MCF2L: variants seen among roughly 807,000 people sequenced by gnomAD.
MCF2L encodes MCF.2 cell line derived transforming sequence like.
In MCF2L, 97 loss-of-function variants were observed where a neutral mutation model predicts 153.4. That is an observed-to-expected ratio of 0.63 (90% CI 0.54 to 0.75). The LOEUF is 0.75. Among genes scored for constraint, MCF2L ranks in the 30% least tolerant of loss-of-function variants. MCF2L has a pLI of 0.00. For synonymous variants in MCF2L, 659 were observed against 632.2 expected (o/e 1.04, Z -0.64); for missense variants, 1,347 against 1,495.2 (o/e 0.90, Z 1.64).
exon 2 of MCF2L, chr13:112,902,348 C>G: frequency 6.2e-7 from 1 of 1,612,594 alleles, no homozygotes; most frequent in South Asian, 1.1e-5. Flanking sequence ...CAAGACACAC[C>G]GGAGGCGACG....
At chr13:113,055,322 C>T (rs1442336792) in intron 4 of MCF2L, among the ~76,000 whole-genome samples, 2 of 150,488 alleles carry the variant, frequency 1.3e-5, no homozygotes, top group Non-Finnish European at 2.9e-5. Flanking sequence ...GTATGCTTCA[C>T]TCCCAGAGGC....
intron 2 of MCF2L, among the ~76,000 whole-genome samples, chr13:112,918,489 A>G (rs2081319131): frequency 6.6e-6 from 1 of 151,994 alleles, no homozygotes; most frequent in Non-Finnish European, 1.5e-5. Flanking sequence ...GCATATGGAG[A>G]GAATGTCCAT....
rs2087624928 is a variant in MCF2L at position 113,054,879 on chromosome 13, G to A, written c.370-5714G>A. 1 of 152,138 alleles carries A rather than the reference G, an allele frequency of 6.6e-6. No individual in the cohort carries two copies. The highest frequency in any genetic ancestry group is 6.5e-5 in the Admixed American group (1 of 15,276). 9.4% of individuals were successfully genotyped at this position (152,138 alleles called of 1,614,324 possible). A position where few individuals can be genotyped will look rare whatever the true frequency, so the allele number is the denominator to read the frequency against. On this transcript the variant is annotated intron_variant, in intron 4 of 29. Transcript: ENST00000535094. This position sits in a 1 kb window ranked among gnomAD's most constrained non-coding sequence, Gnocchi z 5.2. Reference sequence around the variant, plus strand: ...AGTGCTGTGGTCATCACACATATCTGTTCCTAAGTTCATCCAGGTCAGCCC... The same window carrying A: ...AGTGCTGTGGTCATCACACATATCTATTCCTAAGTTCATCCAGGTCAGCCC...
intron 3 of MCF2L, among the ~76,000 whole-genome samples, chr13:113,030,744 C>T (rs1170867490): frequency 6.6e-6 from 1 of 152,210 alleles, no homozygotes; most frequent in Non-Finnish European, 1.5e-5. Context: ...ATCGGCCAGG[C>T]CTTGATAGGA....
At chr13:112,973,254 C>T (rs180746971) in intron 1 of MCF2L, among the ~76,000 whole-genome samples, 5 of 152,304 alleles carry the variant, frequency 3.3e-5, no homozygotes, top group Admixed American at 3.3e-4. Context: ...TTTCTTTGTC[C>T]ATTTTTTAAA....
rs184425443 is a variant in MCF2L at position 113,014,441 on chromosome 13, A to G, written c.80-322A>G. Among the ~76,000 whole-genome samples the G allele has an allele frequency of 2.6e-3, 395 of 152,250 alleles. 3 individuals are homozygous for G. The highest frequency in any genetic ancestry group is 9.1e-3 in the African/African-American group (380 of 41,542). ...TGTATTTATCCGAGGAGCCAGGACC[A>G]AGCCCTTTCCCACTGCTCCCCTGCC... is the stretch of plus-strand genomic sequence containing the variant. On this transcript the variant is annotated intron_variant, in intron 1 of 29. Coordinates refer to ENST00000535094, the MANE Select transcript of MCF2L (RefSeq NM_001112732.3).
rs924334743 is a variant in MCF2L at position 113,098,059 on chromosome 13, T to A, written c.*1200T>A. ...CTTTCGGTGTCTAGTCTGCAGATGT[T>A]TTTGTATGTGTGCACCTCTGACCAT... On this transcript the variant is annotated 3_prime_UTR_variant, in exon 30 of 30. Coordinates refer to ENST00000535094, the MANE Select transcript of MCF2L (RefSeq NM_001112732.3). 3 of 152,394 alleles carry A rather than the reference T, an allele frequency of 2.0e-5. No individual in the cohort carries two copies. Among genetic ancestry groups the A allele is most frequent in the Non-Finnish European group, 4.4e-5 (3 of 68,050 alleles). 9.4% of individuals were successfully genotyped at this position (152,394 alleles called of 1,614,324 possible).
chr13:113,050,187 TGC>T (rs1423453695), intron 4 of MCF2L, among the ~76,000 whole-genome samples: 9 of 151,650 alleles, frequency 5.9e-5, no homozygotes, highest in African/African-American at 1.9e-4. Context: ...TGTGTGTGTG[TGC>T]GAGCGAGTGG....
In MCF2L at chr13:112,981,685, G is replaced by A. The variant is rs7992351; in HGVS notation, c.79+12227G>A. On this transcript the variant is annotated intron_variant, in intron 1 of 29. Transcript: ENST00000535094. ...CAGCTCCTGGCAGGGTCCACACCCC[G>A]AGGCACAGGCAGGGGGACGCATAGC... 8.5e-3 allele frequency among the ~76,000 whole-genome samples: 1,289 copies of A among 152,332 alleles called. 25 individuals are homozygous for A. The highest frequency in any genetic ancestry group is 0.03 in the African/African-American group (1,228 of 41,582).
intron 1 of MCF2L, among the ~76,000 whole-genome samples, chr13:112,975,003 C>G (rs140854784): frequency 6.6e-6 from 1 of 152,232 alleles, no homozygotes; most frequent in South Asian, 2.1e-4. Flanking sequence ...CCAGAACTAT[C>G]GTTTCCACGT....
chr13:112,921,146 T>A (rs959026643), intron 2 of MCF2L, among the ~76,000 whole-genome samples: 4 of 151,974 alleles, frequency 2.6e-5, no homozygotes, highest in African/African-American at 9.7e-5. Flanking sequence ...CACTGCACTC[T>A]AGCCTGAGCG....
At chr13:112,934,543 G>T (rs564593322) in intron 2 of MCF2L, among the ~76,000 whole-genome samples, 1 of 35,688 alleles carries the variant, frequency 2.8e-5, no homozygotes, top group Admixed American at 2.4e-4. Flanking sequence ...AGAGTGTGCA[G>T]ATTTCCAGGG....
Position 113,064,130 on chromosome 13 carries a change from C to A in MCF2L, c.490-174C>A, listed in dbSNP as rs2031992091. Among the ~76,000 whole-genome samples the A allele has an allele frequency of 6.6e-6, 1 of 152,332 alleles. No individual in the cohort carries two copies. The highest frequency in any genetic ancestry group is 2.1e-4 in the South Asian group (1 of 4,822). On this transcript the variant is annotated intron_variant, in intron 5 of 29. Coordinates refer to ENST00000535094, the MANE Select transcript of MCF2L (RefSeq NM_001112732.3). This position sits in a 1 kb window ranked among gnomAD's most constrained non-coding sequence, Gnocchi z 6.0. Reference sequence around the variant, plus strand: ...GAGGTGTCGGCGGGGCGCTGAGCTGCATCCCATCCGCACATCCATCCGCAG... The same window carrying A: ...GAGGTGTCGGCGGGGCGCTGAGCTGAATCCCATCCGCACATCCATCCGCAG...
chr13:113,024,611 T>A (rs1476663017), intron 2 of MCF2L, 33 bp from the exon 3 acceptor site: 2 of 1,486,028 alleles, frequency 1.3e-6, no homozygotes, highest in Non-Finnish European at 1.9e-6. Context: ...CATGGAGCCC[T>A]CGGCTAAGGG....
In MCF2L at chr13:113,045,619, C is replaced by A; in HGVS notation, c.369+258C>A. On this transcript the variant is annotated intron_variant, in intron 4 of 29. Transcript: ENST00000535094. The surrounding 1 kb of genome is among the most constrained non-coding windows in gnomAD (Gnocchi z 4.2). The stretch of plus-strand genomic sequence containing the variant: ...TTGCAAACAATTTCCCCAGGCAGAG[C>A]AGCCCATATGTTTCCGAACACCAAG... 2 of 557,366 alleles carry A rather than the reference C, an allele frequency of 3.6e-6. No homozygotes were observed. Among genetic ancestry groups the A allele is most frequent in the South Asian group, 4.4e-5 (2 of 45,446 alleles). The allele number at this position is 557,366 out of a possible 1,614,324, so 34.5% of individuals were successfully genotyped here.
At chr13:113,022,582 C>T (rs960093866) in intron 2 of MCF2L, among the ~76,000 whole-genome samples, 4 of 152,258 alleles carry the variant, frequency 2.6e-5, no homozygotes, top group East Asian at 1.9e-4. Context: ...GAAAGGCAGG[C>T]GCAGGCTGCG....
In MCF2L at chr13:113,086,245, A is replaced by G; in HGVS notation, c.2369A>G (p.Tyr790Cys). The stretch of plus-strand genomic sequence containing the variant: ...ATGCACCTCATCGCTATCACCGGCT[A>G]TGACGTAAGGCGCCCAGATGCCCGG... ...DSMHLIAITG[Y>C]DGNLGDLGKL... The change falls in exon 21 of 30, where the codon TAT (tyrosine) becomes TGT (cysteine). Residue 790 changes from tyrosine (Y) to cysteine (C), a missense_variant. Tyr to Cys is a radical substitution (Grantham distance 194, BLOSUM62 -2). Around this residue, in one of 3 missense-constraint regions of MCF2L, gnomAD observed 144 missense variants for 238.7 expected, o/e 0.60. Transcript: ENST00000535094. 6.2e-7 allele frequency: 1 copy of G among 1,609,740 alleles called. No homozygotes were observed. Among genetic ancestry groups the G allele is most frequent in the Non-Finnish European group, 8.5e-7 (1 of 1,178,318 alleles).
intron 2 of MCF2L, among the ~76,000 whole-genome samples, chr13:112,962,352 C>T (rs2081841907): frequency 1.3e-5 from 2 of 152,240 alleles, no homozygotes; most frequent in Admixed American, 1.3e-4. Flanking sequence ...CATACAAACA[C>T]ACATGTGGAT....
At chr13:113,044,648 C>G (rs1281750488) in intron 3 of MCF2L, 2 of 1,610,432 alleles carry the variant, frequency 1.2e-6, no homozygotes. Flanking sequence ...GACTCTGTGA[C>G]TCAGGCTTCT....
Sources: gnomAD v4.1 joint callset for allele counts (sites outside exome capture counted in the v4.1 genomes callset) on GRCh38, gnomAD v4.1.1 for gene constraint, gnomAD v4.1.1 regional missense constraint, Gnocchi (gnomAD v3.1) non-coding constraint, MANE v1.5 for transcripts, NCBI Gene and HGNC (gene_info 2026-07-23, HGNC 2026-07-21) for gene names.